The following MAD1L1 variants were observed in gnomAD, a reference collection of about 807,000 sequenced individuals.
MAD1L1 encodes mitotic spindle assembly checkpoint protein MAD1.
MAD1L1 carries 95 observed loss-of-function variants against 96.9 expected under a neutral mutation model. That is an observed-to-expected ratio of 0.98 (90% CI 0.83 to 1.16). The LOEUF (loss-of-function observed/expected upper bound fraction) is 1.16, where lower values mean the gene tolerates loss of function less well. Ranked by LOEUF, MAD1L1 falls within the 50% of genes most tolerant of loss-of-function variation. MAD1L1 has a pLI of 0.00. For synonymous variants in MAD1L1, 473 were observed against 396.6 expected (o/e 1.19, Z -2.29); for missense variants, 1,007 against 954.4 (o/e 1.06, Z -0.73).
chr7:1,877,952 G>A (rs377009545), intron 18 of MAD1L1, among the ~76,000 whole-genome samples: 20 of 152,100 alleles, frequency 1.3e-4, no homozygotes, highest in South Asian at 4.1e-4. Context: ...GAGTGATGAC[G>A]AAAAAAGAGA....
intron 17 of MAD1L1, among the ~76,000 whole-genome samples, chr7:1,899,613 CG>C (rs539817396): frequency 6.4e-4 from 97 of 152,214 alleles, no homozygotes; most frequent in African/African-American, 2.3e-3. Context: ...AGGCAGCGCC[CG>C]GGGGGAGGCT....
At chr7:1,919,487 C>G (rs1015290209) in intron 17 of MAD1L1, among the ~76,000 whole-genome samples, 2 of 152,232 alleles carry the variant, frequency 1.3e-5, no homozygotes, top group Non-Finnish European at 2.9e-5. Context: ...AAGGGAGGAC[C>G]GCACTGGGGA....
Position 2,067,746 on chromosome 7 carries a change from G to A in MAD1L1, c.1218+1448C>T, listed in dbSNP as rs1199020086. On this transcript the variant is annotated intron_variant, in intron 12 of 18. Coordinates refer to ENST00000265854, the MANE Select transcript of MAD1L1 (RefSeq NM_001013836.2). ...ATGACCTGCCTTCTCTCCCTCCGCC[G>A]TGGTTCTCCACACACACTTTCGCAA... Among the ~76,000 whole-genome samples, 6 of 152,216 alleles carry A rather than the reference G, an allele frequency of 3.9e-5. No homozygotes were observed. In the South Asian group the frequency reaches 1.0e-3, roughly 26 times the overall value.
intron 15 of MAD1L1, among the ~76,000 whole-genome samples, chr7:1,977,183 T>TGGGCTGCGTGGGAGCCC (rs1342039372): frequency 6.6e-6 from 1 of 152,212 alleles, no homozygotes; most frequent in Non-Finnish European, 1.5e-5. Context: ...TCGGGGAGGC[T>TGGGCTGCGTGGGAGCCC]GGGCTGCGTG....
At chr7:2,026,871 T>C (rs1263521858) in intron 12 of MAD1L1, among the ~76,000 whole-genome samples, 3 of 152,080 alleles carry the variant, frequency 2.0e-5, no homozygotes, top group African/African-American at 7.2e-5. Flanking sequence ...AAAGTTAGAA[T>C]AACATCAAAT....
At chr7:2,106,975 G>C (rs1353461512) in intron 11 of MAD1L1, among the ~76,000 whole-genome samples, 1 of 152,234 alleles carries the variant, frequency 6.6e-6, no homozygotes, top group Non-Finnish European at 1.5e-5. Context: ...TAGTGTGAAA[G>C]AGCCAGGAGG....
chr7:1,936,707 G>A lies in MAD1L1; in HGVS notation c.1787C>T (p.Pro596Leu), dbSNP rs761279924. 3.9e-6 allele frequency: 6 copies of A among 1,556,978 alleles called. No individual in the cohort carries two copies. In the Admixed American group the frequency reaches 1.2e-4, roughly 30 times the overall value. ...ADLEAAAASL[P>L]SSKEVAELKK... The stretch of plus-strand genomic sequence containing the variant: ...CCTACCTGCCACCTCCTTGGACGAT[G>A]GCAGACTCGCGGCGGCAGCCTCAAG... Residue 596 changes from proline to leucine, a missense_variant, in exon 17 of 19, where the codon CCA becomes CTA. Physicochemically the swap from Pro to Leu is moderately conservative, Grantham distance 98. Coordinates refer to ENST00000265854, the MANE Select transcript of MAD1L1 (RefSeq NM_001013836.2).
At chr7:1,821,344 G>A (rs11769866) in intron 18 of MAD1L1, among the ~76,000 whole-genome samples, 22,005 of 151,942 alleles carry the variant, frequency 0.14, 2,018 homozygotes, top group South Asian at 0.26. Context: ...AGTCCCAGAT[G>A]GTTTCACTAG....
At chr7:2,160,402 G>A (rs1790047891) in intron 10 of MAD1L1, among the ~76,000 whole-genome samples, 1 of 136,426 alleles carries the variant, frequency 7.3e-6, no homozygotes, top group African/African-American at 2.8e-5. Context: ...GCGCAATCTT[G>A]GCTCACTGAA....
At chr7:2,076,987 G>A (rs111713240) in intron 11 of MAD1L1, among the ~76,000 whole-genome samples, 5 of 143,374 alleles carry the variant, frequency 3.5e-5, no homozygotes, top group African/African-American at 5.7e-5. Flanking sequence ...TGGTGAGCCC[G>A]AGACGGTTAT....
At position 2,230,040 on chromosome 7, in the gene MAD1L1, C is replaced by A. The variant is rs1198540300; in HGVS notation, c.94G>T (p.Asp32Tyr). The A allele has an allele frequency of 3.7e-6, 6 of 1,613,760 alleles. No individual in the cohort carries two copies. Among genetic ancestry groups the A allele is most frequent in the Non-Finnish European group, 5.1e-6 (6 of 1,179,956 alleles). ...GAACCTGGGGCCGAGGTAGAAATAT[C>A]CAGTCCAGAGCCTCCCTCCACACGC... ...SQRVEGGSGL[D>Y]ISTSAPGSLQ... is the part of the protein sequence containing the mutation. Residue 32 changes from aspartate to tyrosine, a missense_variant, in exon 3 of 19, where the codon GAT becomes TAT. By Grantham distance (160) the Asp-to-Tyr change is radical. Transcript: ENST00000265854.
At chr7:1,924,604 T>G (rs1387238356) in intron 17 of MAD1L1, among the ~76,000 whole-genome samples, 1 of 152,076 alleles carries the variant, frequency 6.6e-6, no homozygotes, top group Non-Finnish European at 1.5e-5. Flanking sequence ...GAGAACCTAC[T>G]CTAAAGAAGC....
At chr7:2,048,093 A>G (rs1245443106) in intron 12 of MAD1L1, among the ~76,000 whole-genome samples, 2 of 152,234 alleles carry the variant, frequency 1.3e-5, no homozygotes, top group Non-Finnish European at 2.9e-5. Flanking sequence ...CACAGAGCTC[A>G]TGCAGCACAG....
At chr7:1,870,407 C>T (rs1262699725) in intron 18 of MAD1L1, among the ~76,000 whole-genome samples, 5 of 141,730 alleles carry the variant, frequency 3.5e-5, no homozygotes, top group East Asian at 2.2e-4. Context: ...ACACCTGCCA[C>T]GCTGAACCCA....
chr7:2,044,758 A>T (rs1231750124), intron 12 of MAD1L1, among the ~76,000 whole-genome samples: 9 of 152,154 alleles, frequency 5.9e-5, no homozygotes, highest in Admixed American at 3.9e-4. Flanking sequence ...CAAGAACTGG[A>T]ACTGGAGTCC....
chr7:2,082,205 G>A (rs1785688443), intron 11 of MAD1L1, among the ~76,000 whole-genome samples: 2 of 152,130 alleles, frequency 1.3e-5, no homozygotes, highest in Admixed American at 1.3e-4. Flanking sequence ...GAGGCCATGT[G>A]TGAGTGTGAG....
rs138116199 is a variant in MAD1L1 at position 1,899,264 on chromosome 7, C to T, written c.1808-874G>A. On this transcript the variant is annotated intron_variant, in intron 17 of 18. Transcript: ENST00000265854. ...AAGTAGTTAAACCTCGATTTATCCC[C>T]GCGTTAATTATCAGGACTGGCTCCA... Among the ~76,000 whole-genome samples the T allele has an allele frequency of 2.9e-3, 444 of 152,322 alleles. 3 individuals carry two copies. The highest frequency in any genetic ancestry group is 1.0e-2 in the African/African-American group (414 of 41,570).
chr7:1,889,613 C>T (rs935831567), intron 18 of MAD1L1, among the ~76,000 whole-genome samples: 2 of 152,234 alleles, frequency 1.3e-5, no homozygotes, highest in African/African-American at 4.8e-5. Context: ...AGATGCTTCA[C>T]GGAGGCAACA....
At chr7:2,090,703 A>T (rs1369647775) in intron 11 of MAD1L1, among the ~76,000 whole-genome samples, 1 of 152,144 alleles carries the variant, frequency 6.6e-6, no homozygotes, top group Non-Finnish European at 1.5e-5. Context: ...GTGTGTGTTG[A>T]GGCTGGACTG....
Sources: allele counts gnomAD v4.1 joint callset (sites outside exome capture counted in the v4.1 genomes callset), GRCh38; gene constraint gnomAD v4.1.1; transcripts MANE v1.5; gene names NCBI Gene and HGNC (gene_info 2026-07-23, HGNC 2026-07-21).